The following CCT7 variants were observed in gnomAD, a reference collection of about 807,000 sequenced individuals.
CCT7 encodes T-complex protein 1 subunit eta.
CCT7 carries 16 observed loss-of-function variants against 56.6 expected under a neutral mutation model. That is an observed-to-expected ratio of 0.28 (90% CI 0.19 to 0.43). CCT7 has a LOEUF of 0.43. Among genes scored for constraint, CCT7 ranks in the 20% least tolerant of loss-of-function variants. CCT7 has a pLI of 1.00. For missense variants in CCT7, 519 were observed against 685.6 expected, an observed-to-expected ratio of 0.76 and a Z score of 2.71; for synonymous variants, 262 against 254.8, an observed-to-expected ratio of 1.03 and a Z score of -0.27.
At chr2:73,234,498 G>T (rs1405337523) in intron 1 of CCT7, 114 bp downstream of exon 1, 3 of 1,265,214 alleles carry the variant, frequency 2.4e-6, no homozygotes, top group East Asian at 5.0e-5. Flanking sequence ...CTCTGTCCTC[G>T]CCCAGATCCC....
chr2:73,249,369 T>C (rs1018272489), intron 8 of CCT7, among the ~76,000 whole-genome samples, 190 bp downstream of exon 8: 1 of 152,178 alleles, frequency 6.6e-6, no homozygotes, highest in Non-Finnish European at 1.5e-5. Context: ...ACTACTTTAG[T>C]CTAACCAAAA....
At chr2:73,234,642 C>T (rs567855302) in intron 1 of CCT7, among the ~76,000 whole-genome samples, 6 of 152,348 alleles carry the variant, frequency 3.9e-5, no homozygotes, top group East Asian at 1.9e-4. Flanking sequence ...TCCCAGGGTG[C>T]TTCGGGCCCG....
Position 73,252,809 on chromosome 2 carries a change from T to C in CCT7, c.1580T>C (p.Val527Ala), listed in dbSNP as rs1175891193. ...ACCATCAAGAACCCCCGCTCGACTGTGGATGCTCCCACAGCAGCAGGCCGG... is the reference window on the plus strand; with the variant it reads ...ACCATCAAGAACCCCCGCTCGACTGCGGATGCTCCCACAGCAGCAGGCCGG... ...DETIKNPRSTVDAPTAAGRGR... is the reference protein window; with the variant it reads ...DETIKNPRSTADAPTAAGRGR... Residue 527 changes from valine to alanine, a missense_variant, in exon 12 of 12, where the codon GTG becomes GCG. Val to Ala is a moderately conservative substitution (Grantham distance 64). This residue lies in a region of CCT7 where 237 missense variants were observed against 300.8 expected (regional missense o/e 0.79). Coordinates refer to ENST00000258091, the MANE Select transcript of CCT7 (RefSeq NM_006429.4). The C allele has an allele frequency of 6.2e-7, 1 of 1,613,998 alleles. No individual in the cohort carries two copies. The highest frequency in any genetic ancestry group is 8.5e-7 in the Non-Finnish European group (1 of 1,180,010).
chr2:73,240,190 A>G (rs1469920135), intron 2 of CCT7: 1 of 358,408 alleles, frequency 2.8e-6, no homozygotes, highest in Non-Finnish European at 5.0e-6. Flanking sequence ...TCTTTTCTGT[A>G]TCCAGTTGAC....
chr2:73,251,994 T>C (rs1184693971), intron 11 of CCT7, among the ~76,000 whole-genome samples: 2 of 151,252 alleles, frequency 1.3e-5, no homozygotes, highest in African/African-American at 4.9e-5. Context: ...GAACCTTGCA[T>C]CCACCTTCCT....
chr2:73,247,249 G>T (rs896667566), intron 6 of CCT7, among the ~76,000 whole-genome samples: 2 of 152,148 alleles, frequency 1.3e-5, no homozygotes, highest in Non-Finnish European at 2.9e-5. Flanking sequence ...AAGCGTCAAG[G>T]CTATAGTATC....
At chr2:73,241,130 T>A (rs1042414684) in intron 3 of CCT7, among the ~76,000 whole-genome samples, 1 of 151,854 alleles carries the variant, frequency 6.6e-6, no homozygotes, top group African/African-American at 2.4e-5. Context: ...AACCAGTCTA[T>A]CTTTTAAAAA....
chr2:73,241,014 C>G (rs976498918), intron 3 of CCT7, among the ~76,000 whole-genome samples: 3 of 145,482 alleles, frequency 2.1e-5, no homozygotes, highest in African/African-American at 7.8e-5. Flanking sequence ...GAACTACTGG[C>G]ATTCCCCACT....
intron 1 of CCT7, among the ~76,000 whole-genome samples, chr2:73,238,169 A>G (rs951254348): frequency 2.6e-5 from 4 of 152,174 alleles, no homozygotes; most frequent in Non-Finnish European, 5.9e-5. Flanking sequence ...CATGAGCTCA[A>G]GTGATCCTCT....
chr2:73,247,766 C>G lies in CCT7; in HGVS notation c.623C>G (p.Ser208Cys), dbSNP rs1321176787. The change falls in exon 7 of 12, where the codon TCT (serine) becomes TGT (cysteine). Residue 208 changes from serine to cysteine, a missense_variant. Ser to Cys is a moderately radical substitution (Grantham distance 112, BLOSUM62 -1). Around this residue, in one of 3 missense-constraint regions of CCT7, gnomAD observed 276 missense variants for 357.3 expected, o/e 0.77. Coordinates refer to ENST00000258091, the MANE Select transcript of CCT7 (RefSeq NM_006429.4). ...GTGTTTGTTTTTTTAAAACAGGATT[C>G]TCAGCTGGTAGCTGGTGTTGCATTC... ...KKVQGGALED[S>C]QLVAGVAFKK... 1 of 1,613,538 alleles carries G rather than the reference C, an allele frequency of 6.2e-7. No homozygotes were observed.
At chr2:73,247,638 A>G in intron 6 of CCT7, 124 bp from the exon 7 acceptor site, 5 of 692,620 alleles carry the variant, frequency 7.2e-6, no homozygotes, top group Non-Finnish European at 1.2e-5. Flanking sequence ...GTGTTACAGC[A>G]GTGAAATAAA....
chr2:73,242,992 A>G lies in CCT7; in HGVS notation c.268-12A>G, dbSNP rs182846119. 53 of 1,613,666 alleles carry G rather than the reference A, an allele frequency of 3.3e-5. No individual in the cohort carries two copies. In the Admixed American group the frequency reaches 3.5e-4, roughly 11 times the overall value. On this transcript the variant is annotated splice_polypyrimidine_tract_variant and intron_variant, in intron 3 of 11. Transcript: ENST00000258091. ...CATCAGAAAACGTGTATTTCCTGTCATCATCTTCCAGGTGGGTGATGGCAC... is the reference window on the plus strand; with the variant it reads ...CATCAGAAAACGTGTATTTCCTGTCGTCATCTTCCAGGTGGGTGATGGCAC...
rs757932768 is a variant in CCT7 at position 73,249,021 on chromosome 2, A to G, written c.814A>G (p.Asn272Asp). The G allele has an allele frequency of 6.2e-7, 1 of 1,613,590 alleles. No individual in the cohort carries two copies. The highest frequency in any genetic ancestry group is 8.5e-7 in the Non-Finnish European group (1 of 1,179,976). The change falls in exon 8 of 12, where the codon AAC becomes GAC. Residue 272 changes from asparagine (N) to aspartate (D), a missense_variant. By Grantham distance (23) the Asn-to-Asp change is conservative (BLOSUM62 1). Around this residue, in one of 3 missense-constraint regions of CCT7, gnomAD observed 276 missense variants for 357.3 expected, o/e 0.77. Coordinates refer to ENST00000258091, the MANE Select transcript of CCT7 (RefSeq NM_006429.4). ...TCAGGCAATTGTTGATGCTGAGTGG[A>G]ACATTCTCTATGACAAGTTAGAGAA... Reference protein sequence around the residue: ...DYQAIVDAEWNILYDKLEKIH... With the variant: ...DYQAIVDAEWDILYDKLEKIH...
chr2:73,238,997 GA>G (rs1423679156), intron 1 of CCT7: 1 of 152,280 alleles, frequency 6.6e-6, no homozygotes, highest in East Asian at 1.9e-4. Context: ...TAGTCACACA[GA>G]AGCTTTATTC....
intron 6 of CCT7, among the ~76,000 whole-genome samples, chr2:73,245,816 C>T (rs1425617452): frequency 5.3e-5 from 8 of 152,166 alleles, no homozygotes; most frequent in Non-Finnish European, 5.9e-5. Flanking sequence ...CTGAGATTCT[C>T]TGTATGTAAT....
chr2:73,249,419 A>G (rs1439026964), intron 8 of CCT7, among the ~76,000 whole-genome samples: 1 of 152,208 alleles, frequency 6.6e-6, no homozygotes, highest in Non-Finnish European at 1.5e-5. Context: ...CCTAGCAGTA[A>G]TGCTATGATT....
At chr2:73,252,215 C>T (rs1687622004) in intron 11 of CCT7, among the ~76,000 whole-genome samples, 1 of 151,868 alleles carries the variant, frequency 6.6e-6, no homozygotes, top group Non-Finnish European at 1.5e-5. Flanking sequence ...AGTCACTTTA[C>T]CTCTGTGTCT....
chr2:73,237,283 G>A (rs1295943408), intron 1 of CCT7, among the ~76,000 whole-genome samples: 1 of 152,180 alleles, frequency 6.6e-6, no homozygotes, highest in Admixed American at 6.5e-5. Flanking sequence ...GTAGAAGATG[G>A]CAGAGTGACT....
At chr2:73,234,485 C>A in intron 1 of CCT7, 101 bp downstream of exon 1, 1 of 1,354,052 alleles carries the variant, frequency 7.4e-7, no homozygotes, top group Non-Finnish European at 1.0e-6. Flanking sequence ...TTTTGCTTGC[C>A]GCCTCTGTCC....
Sources: allele counts gnomAD v4.1 joint callset (sites outside exome capture counted in the v4.1 genomes callset), GRCh38; gene constraint gnomAD v4.1.1; regional missense constraint gnomAD v4.1.1; transcripts MANE v1.5; gene names NCBI Gene and HGNC (gene_info 2026-07-23, HGNC 2026-07-21).